Variants in VPS13C observed in about 807,000 individuals in gnomAD.
VPS13C encodes vacuolar protein sorting 13 homolog C, also known as intermembrane lipid transfer protein VPS13C.
A neutral mutation model predicts 456.8 loss-of-function variants in VPS13C; 358 were observed. That is an observed-to-expected ratio of 0.78 (90% CI 0.72 to 0.86). The LOEUF (loss-of-function observed/expected upper bound fraction) is 0.86, where lower values mean the gene tolerates loss of function less well. Ranked by LOEUF, VPS13C falls within the 40% of genes least tolerant of loss-of-function variation. The pLI is 0.00. For synonymous variants in VPS13C, 1,578 were observed against 1,486.7 expected (o/e 1.06, Z -1.41); for missense variants, 4,818 against 4,385.4 (o/e 1.10, Z -2.79).
At chr15:61,956,324 A>C (rs2044994670) in intron 37 of VPS13C, among the ~76,000 whole-genome samples, 3 of 144,748 alleles carry the variant, frequency 2.1e-5, no homozygotes, top group South Asian at 4.5e-4. Flanking sequence ...GGGGACTACT[A>C]GAGGGGAGAG....
intron 16 of VPS13C, among the ~76,000 whole-genome samples, chr15:61,998,392 T>C (rs945110126): frequency 2.0e-5 from 3 of 152,224 alleles, no homozygotes; most frequent in Admixed American, 2.0e-4. Flanking sequence ...AAGATTTTTG[T>C]CTGTTTTGTT....
chr15:61,962,886 A>G, intron 32 of VPS13C, 34 bp from the exon 33 acceptor site: 1 of 1,409,574 alleles, frequency 7.1e-7, no homozygotes. Flanking sequence ...TAATTTCTAC[A>G]GACCTACCAT....
chr15:61,966,220 A>G, intron 29 of VPS13C, 78 bp from the exon 30 acceptor site: 1 of 970,806 alleles, frequency 1.0e-6, no homozygotes, highest in Non-Finnish European at 1.5e-6. Flanking sequence ...TCTCTGGTTA[A>G]TTTATTTATA....
At chr15:61,862,411 CTAAG>C (rs1894275114) in intron 82 of VPS13C, among the ~76,000 whole-genome samples, 1 of 152,008 alleles carries the variant, frequency 6.6e-6, no homozygotes, top group Admixed American at 6.6e-5. Flanking sequence ...CAAATAGGTA[CTAAG>C]TATTACCAAT....
intron 75 of VPS13C, among the ~76,000 whole-genome samples, chr15:61,876,111 A>G (rs1895404946): frequency 6.6e-6 from 1 of 151,948 alleles, no homozygotes; most frequent in Non-Finnish European, 1.5e-5. Flanking sequence ...GTCATTTAGT[A>G]TCTAACAGCC....
rs768507690 is a variant in VPS13C at position 61,871,994 on chromosome 15, A to G, written c.10619T>C (p.Val3540Ala). Reference protein sequence around the residue: ...GGVTGIITKPVEGAKKEGAAG... With the variant: ...GGVTGIITKPAEGAKKEGAAG... ...AGGAAATATTTTCAACATACCTTCC[A>G]CAGGTTTTGTTATTATTCCAGTCAC... The change falls in exon 79 of 85, where the codon GTG (valine) becomes GCG (alanine). Residue 3540 changes from valine to alanine, a missense_variant. Around this residue, in one of 3 missense-constraint regions of VPS13C, gnomAD observed 4,552 missense variants for 4,130.6 expected, o/e 1.10. Transcript: ENST00000644861. The G allele has an allele frequency of 6.2e-7, 1 of 1,612,364 alleles. No homozygotes were observed. The highest frequency in any genetic ancestry group is 2.2e-5 in the East Asian group (1 of 44,738).
intron 1 of VPS13C, among the ~76,000 whole-genome samples, chr15:62,046,073 T>G (rs1307201074): frequency 6.6e-6 from 1 of 152,122 alleles, no homozygotes; most frequent in Non-Finnish European, 1.5e-5. Flanking sequence ...CATACAGTTC[T>G]CAAATTTTCT....
chr15:61,860,545 C>T (rs8029502), intron 82 of VPS13C, among the ~76,000 whole-genome samples: 151,422 of 152,300 alleles, frequency 0.99, 75,283 homozygotes, highest in Middle Eastern at 1. Flanking sequence ...CAATAAGATA[C>T]TAGGGAAAAA....
chr15:62,013,228 T>G, intron 10 of VPS13C, 109 bp from the exon 11 acceptor site: 1 of 645,128 alleles, frequency 1.6e-6, no homozygotes, highest in Non-Finnish European at 2.4e-6. Context: ...AAATGCCATT[T>G]TGAATTTTTA....
At chr15:61,928,099 G>A (rs186375704) in intron 51 of VPS13C, among the ~76,000 whole-genome samples, 200 of 151,888 alleles carry the variant, frequency 1.3e-3, no homozygotes, top group African/African-American at 4.5e-3. Flanking sequence ...GCTAAATGAC[G>A]AGTTAATGGG....
chr15:61,890,167 G>C lies in VPS13C; in HGVS notation c.9339C>G (p.Thr3113=), dbSNP rs746490755. 6.2e-7 allele frequency: 1 copy of C among 1,613,646 alleles called. No individual in the cohort carries two copies. The highest frequency in any genetic ancestry group is 1.1e-5 in the South Asian group (1 of 91,064). ...GTCTTATTTTCCTTCTTGCATACCT[G>C]GTTATCCCAATATAGGAAACTTCCT... ...SKQEVSYIGI[T]SSGVVWEVKP... Residue 3113 remains threonine (T), a splice_region_variant and synonymous_variant, in exon 67 of 85, where the codon ACC becomes ACG. Coordinates refer to ENST00000644861, the MANE Select transcript of VPS13C (RefSeq NM_020821.3).
chr15:61,981,335 T>C lies in VPS13C; in HGVS notation c.2166+7A>G. 1.2e-6 allele frequency: 2 copies of C among 1,604,116 alleles called. No individual in the cohort carries two copies. The highest frequency in any genetic ancestry group is 1.1e-5 in the South Asian group (1 of 89,138). On this transcript the variant is annotated splice_region_variant and intron_variant, in intron 22 of 84. Transcript: ENST00000644861. ...ATGGGCAGACAAAAAAACGCATATA[T>C]ACCTACCTGAAATGTACCAAAATCT... is the stretch of plus-strand genomic sequence containing the variant.
chr15:61,996,606 G>C (rs1295224994), intron 16 of VPS13C, among the ~76,000 whole-genome samples: 1 of 151,670 alleles, frequency 6.6e-6, no homozygotes, highest in African/African-American at 2.4e-5. Context: ...ATGACATAAA[G>C]GCAAACACAC....
Position 62,043,869 on chromosome 15 carries a change from T to C in VPS13C, c.144+343A>G, listed in dbSNP as rs181330904. Among the ~76,000 whole-genome samples, 21 of 152,240 alleles carry C rather than the reference T, an allele frequency of 1.4e-4. No homozygotes were observed. In the East Asian group the frequency reaches 4.1e-3, roughly 29 times the overall value. ...CTAGACCATCAATCTATTTCCAAAATTAGATATGTTATTTAAAATCAAGCC... is the reference window on the plus strand; with the variant it reads ...CTAGACCATCAATCTATTTCCAAAACTAGATATGTTATTTAAAATCAAGCC... On this transcript the variant is annotated intron_variant, in intron 2 of 84. Transcript: ENST00000644861.
At chr15:62,037,724 G>T (rs1441612841) in intron 3 of VPS13C, among the ~76,000 whole-genome samples, 2 of 151,380 alleles carry the variant, frequency 1.3e-5, no homozygotes, top group Non-Finnish European at 2.9e-5. Flanking sequence ...ATAAATGAAT[G>T]GCTACAACTT....
rs1343805741 is a variant in VPS13C at position 61,917,626 on chromosome 15, C to T, written c.7770G>A (p.Leu2590=). The change falls in exon 60 of 85, where the codon TTG becomes TTA. Residue 2590 remains leucine, a synonymous_variant. Transcript: ENST00000644861. ...HVPLDSYRCQ[L]FIQPAGILEH... is the part of the protein sequence containing the mutation. ...CTAAGATTCCAGCTGGCTGGATAAA[C>T]AATTGACATCTGCAGAAAGAGGAAA... 6.2e-7 allele frequency: 1 copy of T among 1,609,342 alleles called. No individual in the cohort carries two copies. The highest frequency in any genetic ancestry group is 1.1e-5 in the South Asian group (1 of 90,914).
intron 53 of VPS13C, 94 bp downstream of exon 53, chr15:61,925,362 T>C (rs1284427099): frequency 4.9e-6 from 3 of 610,436 alleles, no homozygotes; most frequent in Non-Finnish European, 7.9e-6. Context: ...GCTTGAGTTA[T>C]GAGAGACATC....
At chr15:61,993,774 TTA>T (rs2046295733) in intron 16 of VPS13C, among the ~76,000 whole-genome samples, 1 of 136,630 alleles carries the variant, frequency 7.3e-6, no homozygotes, top group Non-Finnish European at 1.5e-5. Context: ...TAAATAAGAA[TTA>T]ATATTTAAAA....
chr15:61,964,906 T>C lies in VPS13C; in HGVS notation c.3052-45A>G, dbSNP rs200349696. ...AAAATTAGTTTTCCACAGCCAATTATAACCTGTAGTCTCCACGACAGACCC... is the reference window on the plus strand; with the variant it reads ...AAAATTAGTTTTCCACAGCCAATTACAACCTGTAGTCTCCACGACAGACCC... On this transcript the variant is annotated intron_variant, in intron 30 of 84. Coordinates refer to ENST00000644861, the MANE Select transcript of VPS13C (RefSeq NM_020821.3). 2.4e-5 allele frequency: 38 copies of C among 1,565,334 alleles called. No homozygotes were observed. The East Asian group carries it at 5.8e-4, about 24-fold the overall frequency.
Sources: allele counts gnomAD v4.1 joint callset (sites outside exome capture counted in the v4.1 genomes callset), GRCh38; gene constraint gnomAD v4.1.1; regional missense constraint gnomAD v4.1.1; transcripts MANE v1.5; gene names NCBI Gene and HGNC (gene_info 2026-07-23, HGNC 2026-07-21).